ABL1: variants seen among roughly 807,000 people sequenced by gnomAD.
The protein encoded by ABL1 is ABL proto-oncogene 1, non-receptor tyrosine kinase.
In ABL1, 11 loss-of-function variants were observed where a neutral mutation model predicts 94.7. The observed-to-expected ratio is 0.12, with a 90% CI of 0.07 to 0.19. The LOEUF (loss-of-function observed/expected upper bound fraction) is 0.19, where lower values mean the gene tolerates loss of function less well. ABL1 is among the 10% of genes least tolerant of loss of function. The probability of loss-of-function intolerance (pLI) is 1.00; values close to 1 mark genes in which losing one functional copy is unlikely to be tolerated. For missense variants in ABL1, 1,082 were observed against 1,489.4 expected, an observed-to-expected ratio of 0.73 and a Z score of 4.50; for synonymous variants, 656 against 622.4, an observed-to-expected ratio of 1.05 and a Z score of -0.80.
chr9:130,730,729 T>C (rs1831653813), intron 1 of ABL1, among the ~76,000 whole-genome samples: 1 of 151,748 alleles, frequency 6.6e-6, no homozygotes, highest in Non-Finnish European at 1.5e-5. Flanking sequence ...GTGCCACCAC[T>C]TCTGGTTAAT....
upstream of ABL1, among the ~76,000 whole-genome samples, chr9:130,833,725 G>A (rs999878043): frequency 1.3e-5 from 2 of 152,168 alleles, no homozygotes; most frequent in Non-Finnish European, 2.9e-5. Flanking sequence ...CATCCTGGCC[G>A]AGAACCCCTG....
chr9:130,750,644 C>CTTTTTTTTTTTTTTTTTTTTTTTTTT (rs71389345), intron 1 of ABL1, among the ~76,000 whole-genome samples: 6 of 87,284 alleles, frequency 6.9e-5, no homozygotes, highest in African/African-American at 2.4e-4. Context: ...CTTTTTCTTT[C>CTTTTTTTTTTTTTTTTTTTTTTTTTT]TTTTTTTTTT....
At chr9:130,760,353 G>T (rs1832095320) in intron 1 of ABL1, among the ~76,000 whole-genome samples, 2 of 152,122 alleles carry the variant, frequency 1.3e-5, no homozygotes, top group Admixed American at 1.3e-4. Context: ...TTTTGGGTTT[G>T]TAATAGAAGC....
At chr9:130,860,321 A>G (rs1831051835) in intron 3 of ABL1, among the ~76,000 whole-genome samples, 1 of 152,200 alleles carries the variant, frequency 6.6e-6, no homozygotes, top group Non-Finnish European at 1.5e-5. Flanking sequence ...TGTAAGTTTT[A>G]TGTTGAAAAA....
chr9:130,864,800 C>T (rs1831129424), intron 4 of ABL1, among the ~76,000 whole-genome samples: 1 of 152,076 alleles, frequency 6.6e-6, no homozygotes, highest in South Asian at 2.1e-4. Flanking sequence ...AAGACCAGAC[C>T]CAAGAAATGG....
chr9:130,802,401 T>G (rs1432472279), intron 1 of ABL1, among the ~76,000 whole-genome samples: 2 of 152,192 alleles, frequency 1.3e-5, no homozygotes, highest in Non-Finnish European at 2.9e-5. Flanking sequence ...CCTTTTCAAT[T>G]TTTTATCTCT....
chr9:130,713,382 GGGT>G (rs1246793014), exon 1 of ABL1, among the ~76,000 whole-genome samples: 1 of 152,180 alleles, frequency 6.6e-6, no homozygotes, highest in East Asian at 1.9e-4. Flanking sequence ...GGGACACTGC[GGGT>G]GGTCTGTTTC....
At chr9:130,848,516 T>G (rs1032391554) in intron 1 of ABL1, among the ~76,000 whole-genome samples, 1 of 111,522 alleles carries the variant, frequency 9.0e-6, no homozygotes, top group African/African-American at 4.2e-5. Flanking sequence ...AGACTCCAAC[T>G]CAAAAAAAAA....
At chr9:130,776,091 A>AAAGGAAGAATGTCTGCAATGC (rs1832307224) in intron 1 of ABL1, among the ~76,000 whole-genome samples, 1 of 152,238 alleles carries the variant, frequency 6.6e-6, no homozygotes, top group African/African-American at 2.4e-5. Context: ...AATGATCCAA[A>AAAGGAAGAATGTCTGCAATGC]AAGGAAGAAT....
chr9:130,881,543 G>A (rs145219316), intron 10 of ABL1, among the ~76,000 whole-genome samples: 9 of 152,282 alleles, frequency 5.9e-5, no homozygotes, highest in Non-Finnish European at 8.8e-5. Context: ...ATCAGATCTC[G>A]TGAGACTTAT....
chr9:130,793,116 G>A (rs886390068), intron 1 of ABL1, among the ~76,000 whole-genome samples: 2 of 152,080 alleles, frequency 1.3e-5, no homozygotes, highest in Admixed American at 1.3e-4. Flanking sequence ...AGTAGAGACG[G>A]GGTTTCATCA....
intron 4 of ABL1, among the ~76,000 whole-genome samples, chr9:130,865,262 G>A (rs115373029): frequency 2.4e-4 from 37 of 152,286 alleles, no homozygotes; most frequent in African/African-American, 8.4e-4. Flanking sequence ...GCAGTCACCC[G>A]GAGTGGTATC....
chr9:130,868,520 C>CTTTTTTTTTTTTTTTTTTTT (rs71389371), intron 4 of ABL1, among the ~76,000 whole-genome samples: 2 of 112,112 alleles, frequency 1.8e-5, no homozygotes, highest in African/African-American at 3.4e-5. Flanking sequence ...TTTTCTTTTT[C>CTTTTTTTTTTTTTTTTTTTT]TTTTTTTTTT....
At position 130,887,165 on chromosome 9, in the gene ABL1, C is replaced by T. The variant is rs556686632; in HGVS notation, c.*1482C>T. The T allele has an allele frequency of 9.4e-5, 22 of 233,306 alleles. No homozygotes were observed. Among genetic ancestry groups the T allele is most frequent in the African/African-American group, 4.4e-4 (20 of 45,456 alleles). The allele number at this position is 233,306 out of a possible 1,614,324, so 14.5% of individuals were successfully genotyped here. On this transcript the variant is annotated 3_prime_UTR_variant, in exon 11 of 11. Transcript: ENST00000318560. ...TTCACGCCGGGAGAAGCCACCTTCC[C>T]ACCCCTTCATACCGCCTCGTGCCAG...
intron 1 of ABL1, among the ~76,000 whole-genome samples, chr9:130,765,092 T>C (rs1832165220): frequency 6.6e-6 from 1 of 152,222 alleles, no homozygotes; most frequent in Non-Finnish European, 1.5e-5. Context: ...CAAGATGATT[T>C]TTTTGTTGTT....
At chr9:130,828,767 G>T (rs1289912412) in intron 1 of ABL1, among the ~76,000 whole-genome samples, 2 of 152,066 alleles carry the variant, frequency 1.3e-5, no homozygotes, top group African/African-American at 2.4e-5. Flanking sequence ...TATCCTTTTT[G>T]TAGGAATTCC....
chr9:130,818,770 A>G (rs1044237357), intron 1 of ABL1, among the ~76,000 whole-genome samples: 1 of 152,204 alleles, frequency 6.6e-6, no homozygotes, highest in African/African-American at 2.4e-5. Flanking sequence ...ACCTTTGTGG[A>G]AGATCAATTC....
chr9:130,838,653 C>T (rs1345558943), intron 1 of ABL1, among the ~76,000 whole-genome samples: 2 of 152,112 alleles, frequency 1.3e-5, no homozygotes, highest in Admixed American at 6.5e-5. Context: ...TCACCAGGAC[C>T]GCATTTAGCT....
chr9:130,822,268 G>A (rs112251357), intron 1 of ABL1, among the ~76,000 whole-genome samples: 4,420 of 152,116 alleles, frequency 0.029, 217 homozygotes, highest in African/African-American at 0.1. Flanking sequence ...CACCACGACC[G>A]GTCAAATTGC....
Sources: gnomAD v4.1 joint callset for allele counts (sites outside exome capture counted in the v4.1 genomes callset) on GRCh38, gnomAD v4.1.1 for gene constraint, MANE v1.5 for transcripts, NCBI Gene and HGNC (gene_info 2026-07-23, HGNC 2026-07-21) for gene names.